The following MGAT4C variants were observed in gnomAD, a reference collection of about 807,000 sequenced individuals.
MGAT4C encodes the protein alpha-1,3-mannosyl-glycoprotein 4-beta-N-acetylglucosaminyltransferase C.
MGAT4C carries 19 observed loss-of-function variants against 40.1 expected under a neutral mutation model. The ratio of observed to expected loss-of-function variants is 0.47; its 90% CI spans 0.33 to 0.70. The LOEUF (loss-of-function observed/expected upper bound fraction) is 0.70. MGAT4C is among the 30% of genes least tolerant of loss of function. The probability of loss-of-function intolerance (pLI) is 0.02; values close to 1 mark genes in which losing one functional copy is unlikely to be tolerated. For missense variants in MGAT4C, 491 were observed against 563.2 expected, an observed-to-expected ratio of 0.87 and a Z score of 1.30; for synonymous variants, 181 against 187.1, an observed-to-expected ratio of 0.97 and a Z score of 0.27.
At chr12:86,193,971 C>T (rs1051390710) in intron 1 of MGAT4C, among the ~76,000 whole-genome samples, 4 of 152,114 alleles carry the variant, frequency 2.6e-5, no homozygotes, top group South Asian at 4.1e-4. Flanking sequence ...CCTAACCTCA[C>T]TTTCTCTTAT....
chr12:86,326,795 T>C (rs1034757572), intron 4 of MGAT4C, among the ~76,000 whole-genome samples: 15 of 152,246 alleles, frequency 9.9e-5, no homozygotes, highest in African/African-American at 2.9e-4. Context: ...ATGAAAGCAG[T>C]TAATAAATAA....
chr12:86,811,517 T>A (rs1011256916), intron 1 of MGAT4C, among the ~76,000 whole-genome samples: 2 of 150,806 alleles, frequency 1.3e-5, no homozygotes, highest in African/African-American at 4.9e-5. Flanking sequence ...AATTTTTGTA[T>A]TTTTAGTGGA....
intron 2 of MGAT4C, among the ~76,000 whole-genome samples, chr12:86,015,297 G>T (rs141575981): frequency 6.6e-6 from 1 of 151,938 alleles, no homozygotes; most frequent in African/African-American, 2.4e-5. Context: ...AGGAACTGGG[G>T]CCCAGTGTGC....
chr12:86,009,461 A>C (rs1888234890), intron 2 of MGAT4C, among the ~76,000 whole-genome samples: 1 of 152,108 alleles, frequency 6.6e-6, no homozygotes, highest in Non-Finnish European at 1.5e-5. Flanking sequence ...GCCACTGCAG[A>C]ATCCAAATAT....
intron 2 of MGAT4C, among the ~76,000 whole-genome samples, chr12:86,531,328 T>C (rs779024341): frequency 3.3e-5 from 5 of 152,046 alleles, no homozygotes; most frequent in Non-Finnish European, 7.4e-5. Flanking sequence ...AAACCACTTA[T>C]AGACTTCACG....
At chr12:86,719,709 T>C (rs895339919) in intron 2 of MGAT4C, among the ~76,000 whole-genome samples, 2 of 152,216 alleles carry the variant, frequency 1.3e-5, no homozygotes, top group African/African-American at 4.8e-5. Context: ...ACAGAAATCC[T>C]GAAATCCAAC....
chr12:86,726,795 A>G (rs1384287080), intron 2 of MGAT4C, among the ~76,000 whole-genome samples: 1 of 152,158 alleles, frequency 6.6e-6, no homozygotes, highest in East Asian at 1.9e-4. Flanking sequence ...ATTATTGACA[A>G]TCTAAAATTA....
chr12:86,051,016 A>G (rs963963040), intron 1 of MGAT4C, among the ~76,000 whole-genome samples: 1 of 149,532 alleles, frequency 6.7e-6, no homozygotes, highest in Admixed American at 6.8e-5. Context: ...AGGCTGTAGC[A>G]ACAATCGGTT....
chr12:86,717,252 A>G (rs1950659287), intron 2 of MGAT4C, among the ~76,000 whole-genome samples: 2 of 152,078 alleles, frequency 1.3e-5, no homozygotes, highest in Non-Finnish European at 2.9e-5. Context: ...CACAGAGTTC[A>G]TTCTTAAACA....
At chr12:86,679,864 C>T (rs1407743067) in intron 2 of MGAT4C, among the ~76,000 whole-genome samples, 1 of 151,996 alleles carries the variant, frequency 6.6e-6, no homozygotes, top group East Asian at 1.9e-4. Context: ...GTTATCGTAG[C>T]CAGAAAGGTC....
intron 2 of MGAT4C, among the ~76,000 whole-genome samples, chr12:86,435,472 G>T (rs932792616): frequency 9.9e-5 from 15 of 151,676 alleles, no homozygotes; most frequent in African/African-American, 3.4e-4. Context: ...ATTTGTGAGT[G>T]TCAGTTCTAT....
intron 1 of MGAT4C, among the ~76,000 whole-genome samples, chr12:86,178,086 A>G (rs576341563): frequency 1.0e-3 from 154 of 152,072 alleles, no homozygotes; most frequent in Non-Finnish European, 1.9e-3. Context: ...ACAGGTGCCC[A>G]CCACCATGCC....
intron 3 of MGAT4C, among the ~76,000 whole-genome samples, chr12:86,354,458 A>G (rs942289698): frequency 1.3e-5 from 2 of 152,194 alleles, no homozygotes; most frequent in African/African-American, 4.8e-5. Context: ...TAGACTTTAA[A>G]GCAGATATTA....
intron 3 of MGAT4C, among the ~76,000 whole-genome samples, chr12:86,427,318 G>T (rs1394893477): frequency 6.6e-6 from 1 of 151,906 alleles, no homozygotes; most frequent in African/African-American, 2.4e-5. Flanking sequence ...ATATTATAAT[G>T]CCACATTAAT....
At chr12:86,261,158 G>A (rs911631760), upstream of MGAT4C, among the ~76,000 whole-genome samples, 1 of 152,072 alleles carries the variant, frequency 6.6e-6, no homozygotes, top group Non-Finnish European at 1.5e-5. Flanking sequence ...CTTGTACAGA[G>A]TAGTAGCTCA....
intron 1 of MGAT4C, among the ~76,000 whole-genome samples, chr12:86,073,495 GT>G (rs1869018144): frequency 1.3e-5 from 2 of 152,176 alleles, no homozygotes; most frequent in Admixed American, 1.3e-4. Context: ...ATGTGGGAAA[GT>G]TTGGAGCTTC....
At chr12:86,267,399 C>G (rs1285872659) in intron 4 of MGAT4C, among the ~76,000 whole-genome samples, 2 of 151,928 alleles carry the variant, frequency 1.3e-5, no homozygotes, top group Non-Finnish European at 2.9e-5. Context: ...ATGAAGACAC[C>G]TGAAATTATA....
intron 2 of MGAT4C, among the ~76,000 whole-genome samples, chr12:86,610,670 C>T (rs1167134397): frequency 6.6e-6 from 1 of 151,396 alleles, no homozygotes; most frequent in Non-Finnish European, 1.5e-5. Flanking sequence ...ATGTGCCATG[C>T]TGGTGTGCTG....
At chr12:86,024,582 T>A (rs2136879194) in intron 2 of MGAT4C, among the ~76,000 whole-genome samples, 1 of 151,888 alleles carries the variant, frequency 6.6e-6, no homozygotes, top group East Asian at 1.9e-4. Context: ...AATTGACAAA[T>A]CAGGCCACAA....
Sources: allele counts gnomAD v4.1 joint callset (sites outside exome capture counted in the v4.1 genomes callset), GRCh38; gene constraint gnomAD v4.1.1; transcripts MANE v1.5; gene names NCBI Gene and HGNC (gene_info 2026-07-23, HGNC 2026-07-21).